Variants in FNDC3B observed in about 807,000 individuals in gnomAD.
FNDC3B encodes the protein fibronectin type III domain containing 3B.
Under a neutral mutation model 151.5 loss-of-function variants are expected in FNDC3B, and 12 were observed. The ratio of observed to expected loss-of-function variants is 0.08; its 90% CI spans 0.05 to 0.13. FNDC3B has a LOEUF of 0.13. Among genes scored for constraint, FNDC3B ranks in the 10% least tolerant of loss-of-function variants. The pLI, the probability that FNDC3B is intolerant of heterozygous loss-of-function variation, is 1.00. For missense variants in FNDC3B, 1,214 were observed against 1,505.3 expected, an observed-to-expected ratio of 0.81 and a Z score of 3.20; for synonymous variants, 528 against 549.0, an observed-to-expected ratio of 0.96 and a Z score of 0.54.
intron 1 of FNDC3B, among the ~76,000 whole-genome samples, chr3:172,102,402 T>C (rs1210065219): frequency 6.6e-6 from 1 of 152,220 alleles, no homozygotes; most frequent in Admixed American, 6.5e-5. Flanking sequence ...ACACATTTTT[T>C]TTTTCTTCTA....
At chr3:172,280,089 AT>A (rs1471512291) in intron 6 of FNDC3B, among the ~76,000 whole-genome samples, 1 of 151,834 alleles carries the variant, frequency 6.6e-6, no homozygotes, top group Non-Finnish European at 1.5e-5. Context: ...TAATTTTTGT[AT>A]TTTTCGTAGA....
intron 6 of FNDC3B, among the ~76,000 whole-genome samples, chr3:172,267,846 G>A (rs1729004378): frequency 6.6e-6 from 1 of 152,176 alleles, no homozygotes; most frequent in Non-Finnish European, 1.5e-5. Context: ...GTACTCATTG[G>A]ATATTACACT....
chr3:172,092,836 C>G (rs1337925150), intron 1 of FNDC3B, among the ~76,000 whole-genome samples: 1 of 152,116 alleles, frequency 6.6e-6, no homozygotes, highest in Non-Finnish European at 1.5e-5. Flanking sequence ...TACAGTGTCT[C>G]ACTCTGTTGC....
chr3:172,338,305 T>A, intron 16 of FNDC3B: 1 of 100,208 alleles, frequency 1.0e-5, no homozygotes. Flanking sequence ...AGAGTGAGAC[T>A]CTGTCTCAAA....
At chr3:172,248,737 T>TCA (rs1560039348) in intron 5 of FNDC3B, among the ~76,000 whole-genome samples, 1 of 148,408 alleles carries the variant, frequency 6.7e-6, no homozygotes, top group Non-Finnish European at 1.5e-5. Flanking sequence ...AATTATATTT[T>TCA]TATATATATA....
intron 2 of FNDC3B, among the ~76,000 whole-genome samples, chr3:172,116,765 C>G (rs576392113): frequency 6.6e-6 from 1 of 152,198 alleles, no homozygotes; most frequent in Admixed American, 6.5e-5. Flanking sequence ...GGCATTTCAC[C>G]ATGTTGGCCA....
At chr3:172,083,335 G>A (rs927352883) in intron 1 of FNDC3B, among the ~76,000 whole-genome samples, 1 of 152,242 alleles carries the variant, frequency 6.6e-6, no homozygotes, top group Non-Finnish European at 1.5e-5. Context: ...GGAGCGTGCA[G>A]ATGGAGCTGC....
intron 1 of FNDC3B, among the ~76,000 whole-genome samples, chr3:172,043,926 C>T (rs969745186): frequency 1.3e-5 from 2 of 152,074 alleles, no homozygotes; most frequent in Admixed American, 6.5e-5. Context: ...CTGAAAAAAA[C>T]GATCCTCTCA....
Position 172,309,998 on chromosome 3 carries a change from C to T in FNDC3B, c.1201-830C>T, listed in dbSNP as rs149572671. On this transcript the variant is annotated intron_variant, in intron 10 of 25. Coordinates refer to ENST00000415807, the MANE Select transcript of FNDC3B (RefSeq NM_022763.4). ...CTCTTGCTCTTTCCTAGGGAAGAGT[C>T]GGCCCTGGCATGTTTTTGAAGTGGG... Among the ~76,000 whole-genome samples, 580 of 152,196 alleles carry T rather than the reference C, an allele frequency of 3.8e-3. 2 individuals carry two copies. Among genetic ancestry groups the T allele is most frequent in the Middle Eastern group, 0.01 (3 of 294 alleles).
At chr3:172,237,844 T>A (rs915043213) in intron 4 of FNDC3B, among the ~76,000 whole-genome samples, 15 of 152,238 alleles carry the variant, frequency 9.9e-5, no homozygotes, top group African/African-American at 3.4e-4. Context: ...GAAGAGGATA[T>A]CTGTTATCAA....
At chr3:172,392,915 TTCTG>T (rs1560114222) in intron 25 of FNDC3B, among the ~76,000 whole-genome samples, 2 of 143,298 alleles carry the variant, frequency 1.4e-5, no homozygotes, top group Non-Finnish European at 3.0e-5. Flanking sequence ...CAAGCAGTTC[TTCTG>T]CCTGTATCCT....
At chr3:172,202,819 T>C (rs1473910378) in intron 3 of FNDC3B, among the ~76,000 whole-genome samples, 1 of 152,248 alleles carries the variant, frequency 6.6e-6, no homozygotes, top group Non-Finnish European at 1.5e-5. Flanking sequence ...CATTCATGAT[T>C]TGGCTTAAAC....
At chr3:172,394,779 AAATAAT>A (rs1029839094) in intron 25 of FNDC3B, among the ~76,000 whole-genome samples, 6 of 152,108 alleles carry the variant, frequency 3.9e-5, no homozygotes, top group Non-Finnish European at 7.4e-5. Context: ...AGGCCATTAC[AAATAAT>A]AATAATAATA....
At chr3:172,048,420 A>G (rs1484771693) in intron 1 of FNDC3B, among the ~76,000 whole-genome samples, 2 of 152,204 alleles carry the variant, frequency 1.3e-5, no homozygotes, top group African/African-American at 2.4e-5. Flanking sequence ...ATTCTGATTA[A>G]GAAATAGAGG....
chr3:172,153,348 C>G (rs528188159), intron 3 of FNDC3B, among the ~76,000 whole-genome samples: 15 of 152,282 alleles, frequency 9.9e-5, no homozygotes, highest in African/African-American at 3.4e-4. Context: ...AGAGGCCAGC[C>G]TTTTTTTCCA....
chr3:172,145,465 TG>T (rs1721855385), intron 3 of FNDC3B, among the ~76,000 whole-genome samples: 6 of 152,230 alleles, frequency 3.9e-5, no homozygotes, highest in Non-Finnish European at 8.8e-5. Context: ...ACTTATCTCA[TG>T]TAAATGTCAA....
intron 3 of FNDC3B, among the ~76,000 whole-genome samples, chr3:172,212,630 C>T (rs569122162): frequency 3.9e-5 from 6 of 152,330 alleles, no homozygotes; most frequent in Admixed American, 2.0e-4. Context: ...CACAGACCTA[C>T]GTGACACCAG....
chr3:172,317,189 C>CT (rs562405291), intron 11 of FNDC3B: 35,385 of 347,858 alleles, frequency 0.1, 1,956 homozygotes, highest in African/African-American at 0.31. Context: ...TTCTTTTTTT[C>CT]TTTTTTTTTT....
rs1736429242 is a variant in FNDC3B, at chr3:172,399,035, T to C, written c.*1560T>C. On this transcript the variant is annotated 3_prime_UTR_variant, in exon 26 of 26. Transcript: ENST00000415807. ...GTATATTTTTGCTACTTGGTTTTTC[T>C]TGATCATAGCTATTTTGTGCTTGAT... The C allele has an allele frequency of 6.6e-6, 1 of 152,656 alleles. No individual in the cohort carries two copies. The allele number at this position is 152,656 out of a possible 1,614,324, so 9.5% of individuals were successfully genotyped here. A position where few individuals can be genotyped will look rare whatever the true frequency, so the allele number is the denominator to read the frequency against.
Sources: allele counts gnomAD v4.1 joint callset (sites outside exome capture counted in the v4.1 genomes callset), GRCh38; gene constraint gnomAD v4.1.1; transcripts MANE v1.5; gene names NCBI Gene and HGNC (gene_info 2026-07-23, HGNC 2026-07-21).